VPS13C: variants seen among roughly 807,000 people sequenced by gnomAD.
The protein encoded by VPS13C is intermembrane lipid transfer protein VPS13C.
Under a neutral mutation model 456.8 loss-of-function variants are expected in VPS13C, and 358 were observed. That is an observed-to-expected ratio of 0.78 (90% CI 0.72 to 0.86). The LOEUF (loss-of-function observed/expected upper bound fraction) is 0.86. VPS13C is among the 40% of genes least tolerant of loss of function. The pLI, the probability that VPS13C is intolerant of heterozygous loss-of-function variation, is 0.00. For synonymous variants in VPS13C, 1,578 were observed against 1,486.7 expected (o/e 1.06, Z -1.41); for missense variants, 4,818 against 4,385.4 (o/e 1.10, Z -2.79).
rs1162170920 is a variant in VPS13C at position 61,853,377 on chromosome 15, T to A, written c.*1080A>T. On this transcript the variant is annotated 3_prime_UTR_variant, in exon 85 of 85. Coordinates refer to ENST00000644861, the MANE Select transcript of VPS13C (RefSeq NM_020821.3). Reference sequence around the variant, plus strand: ...TTTCAGAGTCTTGAGAAACTTAAAGTGCAGTATTTTCATGTATCAGCAAAT... The same window carrying A: ...TTTCAGAGTCTTGAGAAACTTAAAGAGCAGTATTTTCATGTATCAGCAAAT... 1 of 152,200 alleles carries A rather than the reference T, an allele frequency of 6.6e-6. No individual in the cohort carries two copies. The highest frequency in any genetic ancestry group is 1.5e-5 in the Non-Finnish European group (1 of 68,034). The allele number at this position is 152,200 out of a possible 1,614,324, so 9.4% of individuals were successfully genotyped here.
chr15:62,037,238 ATAT>A (rs2048039625), intron 3 of VPS13C, among the ~76,000 whole-genome samples: 1 of 53,410 alleles, frequency 1.9e-5, no homozygotes, highest in African/African-American at 7.8e-5. Context: ...TTATATATAA[ATAT>A]ATATAATATA....
chr15:61,976,029 G>A (rs764001952), intron 24 of VPS13C, among the ~76,000 whole-genome samples: 24 of 152,008 alleles, frequency 1.6e-4, no homozygotes, highest in Non-Finnish European at 2.7e-4. Flanking sequence ...CAGTTTGAAG[G>A]TAATTTTATA....
intron 66 of VPS13C, chr15:61,906,508 T>C (rs1455177836): frequency 6.6e-6 from 1 of 152,312 alleles, no homozygotes; most frequent in Non-Finnish European, 1.5e-5. Context: ...TGCTAAGTAG[T>C]ATCAAATGTG....
chr15:62,007,568 C>G, intron 14 of VPS13C, 89 bp from the exon 15 acceptor site: 1 of 1,193,062 alleles, frequency 8.4e-7, no homozygotes, highest in Non-Finnish European at 1.1e-6. Context: ...CTTATGCTGT[C>G]AAATTTTTTG....
chr15:61,853,054 T>C lies in VPS13C; in HGVS notation c.*1403A>G, dbSNP rs1212183221. The C allele has an allele frequency of 1.3e-5, 2 of 152,140 alleles. No homozygotes were observed. The highest frequency in any genetic ancestry group is 2.9e-5 in the Non-Finnish European group (2 of 68,002). 9.4% of individuals were successfully genotyped at this position (152,140 alleles called of 1,614,324 possible). ...AAGGTTCAACCAAAAAACTTACATA[T>C]TTTTGAGTATTTTTTAAAGTTTTAA... is the stretch of plus-strand genomic sequence containing the variant. On this transcript the variant is annotated 3_prime_UTR_variant, in exon 85 of 85. Coordinates refer to ENST00000644861, the MANE Select transcript of VPS13C (RefSeq NM_020821.3).
chr15:61,876,251 A>G (rs941184472), intron 75 of VPS13C, among the ~76,000 whole-genome samples: 2 of 152,040 alleles, frequency 1.3e-5, no homozygotes, highest in Non-Finnish European at 2.9e-5. Context: ...TGGGCAACAT[A>G]GTGAGACTCC....
At chr15:62,009,629 C>G (rs535764026) in intron 13 of VPS13C, among the ~76,000 whole-genome samples, 7 of 152,218 alleles carry the variant, frequency 4.6e-5, no homozygotes, top group African/African-American at 1.4e-4. Flanking sequence ...ATTGTTAACA[C>G]AGCTACTAGA....
intron 18 of VPS13C, among the ~76,000 whole-genome samples, chr15:61,987,044 T>C (rs193052018): frequency 2.6e-5 from 4 of 152,226 alleles, no homozygotes; most frequent in Admixed American, 2.0e-4. Flanking sequence ...AAGAAAGGAA[T>C]TATGTGACTG....
In VPS13C at chr15:62,013,027, C is replaced by T. The variant is rs370718228; in HGVS notation, c.825+12G>A. 8.7e-6 allele frequency: 14 copies of T among 1,603,124 alleles called. No homozygotes were observed. The highest frequency in any genetic ancestry group is 1.0e-5 in the Non-Finnish European group (12 of 1,173,734). On this transcript the variant is annotated intron_variant, in intron 11 of 84. Transcript: ENST00000644861. Reference sequence around the variant, plus strand: ...AGTGAAGTTAGCTCTTCCAAGTATACATTAATATTACCAAAATCTGTTCCC... The same window carrying T: ...AGTGAAGTTAGCTCTTCCAAGTATATATTAATATTACCAAAATCTGTTCCC...
rs1261174548 is a variant in VPS13C, at chr15:61,910,133, TTAAA to T, written c.8844+40_8844+43del. 20 of 1,107,320 alleles carry T rather than the reference TTAAA, an allele frequency of 1.8e-5. No homozygotes were observed. The East Asian group carries it at 2.4e-4, about 13-fold the overall frequency. 68.6% of individuals were successfully genotyped at this position (1,107,320 alleles called of 1,614,324 possible). ...CTAGAACTTAAAGTATAATAAAAAA[TTAAA>T]TAAATAAAAATAAAAATAAAATAAA... On this transcript the variant is annotated intron_variant, in intron 64 of 84. Transcript: ENST00000644861.
At chr15:61,930,728 A>G (rs2044026482) in intron 50 of VPS13C, among the ~76,000 whole-genome samples, 1 of 152,242 alleles carries the variant, frequency 6.6e-6, no homozygotes, top group African/African-American at 2.4e-5. Flanking sequence ...CAAAATAAAC[A>G]TGATGAAGGA....
Position 62,010,458 on chromosome 15 carries a change from C to G in VPS13C, c.1011+14G>C. The G allele has an allele frequency of 1.3e-6, 2 of 1,576,730 alleles. No homozygotes were observed. The highest frequency in any genetic ancestry group is 1.7e-6 in the Non-Finnish European group (2 of 1,163,122). On this transcript the variant is annotated intron_variant, in intron 13 of 84. Transcript: ENST00000644861. The stretch of plus-strand genomic sequence containing the variant: ...AAGGCTAATCAAAGCTGGAAATATC[C>G]ACATGAATCATACCTGAGGTTTGGT...
At chr15:61,870,376 T>C (rs555776132) in intron 79 of VPS13C, among the ~76,000 whole-genome samples, 3 of 152,282 alleles carry the variant, frequency 2.0e-5, no homozygotes, top group African/African-American at 7.2e-5. Context: ...AATGGAATTA[T>C]GTAATATGTG....
At chr15:61,996,998 C>T (rs183203341) in intron 16 of VPS13C, among the ~76,000 whole-genome samples, 8,267 of 144,680 alleles carry the variant, frequency 0.057, 510 homozygotes, top group African/African-American at 0.15. Flanking sequence ...TACATACATA[C>T]ATATATATAT....
Position 61,929,676 on chromosome 15 carries a change from A to G in VPS13C, c.6111T>C (p.Asn2037=), listed in dbSNP as rs375681544. The G allele has an allele frequency of 1.2e-6, 2 of 1,613,916 alleles. No homozygotes were observed. The highest frequency in any genetic ancestry group is 8.5e-7 in the Non-Finnish European group (1 of 1,179,962). The change falls in exon 51 of 85, where the codon AAT becomes AAC. Residue 2037 remains asparagine (N), a synonymous_variant. Transcript: ENST00000644861. ...CAAGAACAGCATCAATTTGACTTCC[A>G]TTTTTGTCTTGTTTGTAACTTATAT... The part of the protein sequence containing the change: ...MIDISYKQDK[N]GSQIDAVLDK...
chr15:61,856,378 G>C lies in VPS13C; in HGVS notation c.10984C>G (p.Leu3662Val). ...RVLCIKEVEI[L>V]GLMCVDWQCP... ...TGCCAGTCTACACACATAAGGCCCA[G>C]GATTTCAACTTCCTTTATACACAAC... Residue 3662 changes from leucine (L) to valine (V), a missense_variant, in exon 83 of 85, where the codon CTG becomes GTG. Leu to Val is a conservative substitution (Grantham distance 32, BLOSUM62 1). Coordinates refer to ENST00000644861, the MANE Select transcript of VPS13C (RefSeq NM_020821.3). 6.2e-7 allele frequency: 1 copy of C among 1,612,852 alleles called. No individual in the cohort carries two copies. Among genetic ancestry groups the C allele is most frequent in the Non-Finnish European group, 8.5e-7 (1 of 1,179,460 alleles).
At chr15:61,950,878 T>G in intron 40 of VPS13C, 67 bp downstream of exon 40, 2 of 995,678 alleles carry the variant, frequency 2.0e-6, no homozygotes, top group Non-Finnish European at 2.8e-6. Context: ...ATGAGAATAT[T>G]AAATATAAGG....
chr15:61,971,512 C>T (rs536731270), intron 27 of VPS13C, among the ~76,000 whole-genome samples: 5 of 152,262 alleles, frequency 3.3e-5, no homozygotes, highest in Admixed American at 6.5e-5. Context: ...CCACCCACCT[C>T]GGGCTCCCAA....
At position 61,969,224 on chromosome 15, in the gene VPS13C, T is replaced by C. The variant is rs1479070376; in HGVS notation, c.2911+75A>G. ...GCTATTATTTATTATAAATACAATA[T>C]AAATGAAAGTGTTTCAGATACTCAA... On this transcript the variant is annotated intron_variant, in intron 28 of 84. Coordinates refer to ENST00000644861, the MANE Select transcript of VPS13C (RefSeq NM_020821.3). The C allele has an allele frequency of 2.4e-5, 25 of 1,053,304 alleles. No homozygotes were observed. In the East Asian group the frequency reaches 5.6e-4, roughly 24 times the overall value. 65.2% of individuals were successfully genotyped at this position (1,053,304 alleles called of 1,614,324 possible).
Sources: gnomAD v4.1 joint callset for allele counts (sites outside exome capture counted in the v4.1 genomes callset) on GRCh38, gnomAD v4.1.1 for gene constraint, MANE v1.5 for transcripts, NCBI Gene and HGNC (gene_info 2026-07-23, HGNC 2026-07-21) for gene names.